Variants in ATXN7L1 observed in about 807,000 individuals in gnomAD.
The protein encoded by ATXN7L1 is ataxin-7-like protein 1.
In ATXN7L1, 15 loss-of-function variants were observed where a neutral mutation model predicts 70.8. That is an observed-to-expected ratio of 0.21 (90% CI 0.14 to 0.33). The LOEUF is 0.33. Among genes scored for constraint, ATXN7L1 ranks in the 10% least tolerant of loss-of-function variants. The pLI is 1.00. For missense variants in ATXN7L1, 975 were observed against 1,097.1 expected, an observed-to-expected ratio of 0.89 and a Z score of 1.57; for synonymous variants, 440 against 445.1, an observed-to-expected ratio of 0.99 and a Z score of 0.14.
intron 7 of ATXN7L1, among the ~76,000 whole-genome samples, chr7:105,624,968 C>T (rs1445160455): frequency 6.6e-6 from 1 of 152,240 alleles, no homozygotes; most frequent in Non-Finnish European, 1.5e-5. Flanking sequence ...ACTTGCCATA[C>T]AGTTGCTTTC....
intron 2 of ATXN7L1, among the ~76,000 whole-genome samples, chr7:105,873,680 A>G (rs777593086): frequency 6.6e-6 from 1 of 152,216 alleles, no homozygotes; most frequent in Non-Finnish European, 1.5e-5. Flanking sequence ...GAAGTTAGCA[A>G]TTTCAAGTTA....
At chr7:105,692,195 C>A (rs1790974411) in intron 3 of ATXN7L1, among the ~76,000 whole-genome samples, 1 of 152,000 alleles carries the variant, frequency 6.6e-6, no homozygotes, top group South Asian at 2.1e-4. Context: ...TGACACACTG[C>A]GGTTATTAGC....
chr7:105,797,192 C>T (rs1645926795), intron 2 of ATXN7L1, among the ~76,000 whole-genome samples: 1 of 152,264 alleles, frequency 6.6e-6, no homozygotes, highest in African/African-American at 2.4e-5. Context: ...GACTCCTGGC[C>T]TCTTCCTGCC....
intron 3 of ATXN7L1, among the ~76,000 whole-genome samples, chr7:105,733,404 G>T (rs989319910): frequency 6.6e-6 from 1 of 152,198 alleles, no homozygotes; most frequent in African/African-American, 2.4e-5. Flanking sequence ...TACTGAGTGG[G>T]TCCTATATGT....
chr7:105,830,107 G>A (rs1811396554), intron 2 of ATXN7L1, among the ~76,000 whole-genome samples: 1 of 152,178 alleles, frequency 6.6e-6, no homozygotes, highest in African/African-American at 2.4e-5. Flanking sequence ...GGCCCTGGGA[G>A]GCTCAGTTAT....
intron 3 of ATXN7L1, among the ~76,000 whole-genome samples, chr7:105,781,616 T>C (rs1452449000): frequency 6.6e-6 from 1 of 152,198 alleles, no homozygotes; most frequent in Non-Finnish European, 1.5e-5. Context: ...CAAGATTTCA[T>C]TATAAATCTC....
At chr7:105,749,916 G>A (rs545250535) in intron 3 of ATXN7L1, among the ~76,000 whole-genome samples, 2 of 151,994 alleles carry the variant, frequency 1.3e-5, no homozygotes, top group Admixed American at 6.6e-5. Flanking sequence ...TGTATTCTGG[G>A]CACTTACTGC....
At chr7:105,693,575 CCA>C (rs1791305901) in intron 3 of ATXN7L1, among the ~76,000 whole-genome samples, 2 of 105,964 alleles carry the variant, frequency 1.9e-5, no homozygotes, top group East Asian at 6.5e-4. Flanking sequence ...ATCCATCCAT[CCA>C]TCCATCTAAT....
At chr7:105,773,261 A>C (rs753942379) in intron 3 of ATXN7L1, among the ~76,000 whole-genome samples, 3 of 152,178 alleles carry the variant, frequency 2.0e-5, no homozygotes, top group Non-Finnish European at 4.4e-5. Context: ...AGCCAAAGGG[A>C]AAGTGAAGCA....
chr7:105,865,611 C>T (rs1817316409), intron 2 of ATXN7L1, among the ~76,000 whole-genome samples: 1 of 152,130 alleles, frequency 6.6e-6, no homozygotes. Flanking sequence ...CCGTGTTAGC[C>T]AGGATGGTAT....
chr7:105,645,745 A>G (rs988621552), intron 4 of ATXN7L1, among the ~76,000 whole-genome samples: 1 of 151,986 alleles, frequency 6.6e-6, no homozygotes, highest in East Asian at 1.9e-4. Context: ...CCCAGGAGGC[A>G]GAGCTTACAG....
At chr7:105,796,313 G>A (rs1805982608) in intron 2 of ATXN7L1, among the ~76,000 whole-genome samples, 1 of 152,180 alleles carries the variant, frequency 6.6e-6, no homozygotes, top group Admixed American at 6.5e-5. Flanking sequence ...AGTGAACAGA[G>A]ATCGCGCCAC....
chr7:105,870,392 G>A (rs1435416393), intron 2 of ATXN7L1, among the ~76,000 whole-genome samples: 4 of 151,980 alleles, frequency 2.6e-5, no homozygotes, highest in East Asian at 1.9e-4. Flanking sequence ...TTTCTGCTAC[G>A]TATCTTTTCT....
chr7:105,853,551 C>A (rs957050845), intron 2 of ATXN7L1, among the ~76,000 whole-genome samples: 1 of 151,018 alleles, frequency 6.6e-6, no homozygotes, highest in African/African-American at 2.4e-5. Context: ...AAGACTCGGT[C>A]TCAAAAAACA....
At chr7:105,854,988 C>T (rs549898710) in intron 2 of ATXN7L1, among the ~76,000 whole-genome samples, 127 of 150,402 alleles carry the variant, frequency 8.4e-4, no homozygotes, top group African/African-American at 2.2e-3. Context: ...TGGAGTCTCA[C>T]CCTGTCACCA....
chr7:105,773,090 T>G (rs1802235344), intron 3 of ATXN7L1, among the ~76,000 whole-genome samples: 1 of 152,178 alleles, frequency 6.6e-6, no homozygotes, highest in Non-Finnish European at 1.5e-5. Flanking sequence ...AAAATCACAT[T>G]CCTAAATTAC....
chr7:105,638,944 C>T (rs960444674), intron 6 of ATXN7L1, among the ~76,000 whole-genome samples: 4 of 152,136 alleles, frequency 2.6e-5, no homozygotes, highest in Non-Finnish European at 5.9e-5. Flanking sequence ...AGGCTCGATT[C>T]GGCCCAGACA....
rs1190854924 is a variant in ATXN7L1 at position 105,613,820 on chromosome 7, G to GC, written c.2472+41dup. 16 of 1,551,472 alleles carry GC rather than the reference G, an allele frequency of 1.0e-5. No homozygotes were observed. The Admixed American group carries it at 1.6e-4, about 15-fold the overall frequency. ...GCAGGGGCGCTGCCCAGCTCCCCCT[G>GC]CCCCCCAGAGCCGGTGAAGGCGGTG... On this transcript the variant is annotated intron_variant, in intron 10 of 11. Transcript: ENST00000419735.
intron 3 of ATXN7L1, chr7:105,760,106 A>G (rs1800353005): frequency 1.2e-6 from 1 of 825,732 alleles, no homozygotes; most frequent in Admixed American, 6.2e-5. Context: ...GGCTTCCATC[A>G]TGCTTTCCAT....
Sources: gnomAD v4.1 joint callset for allele counts (sites outside exome capture counted in the v4.1 genomes callset) on GRCh38, gnomAD v4.1.1 for gene constraint, MANE v1.5 for transcripts, NCBI Gene and HGNC (gene_info 2026-07-23, HGNC 2026-07-21) for gene names.